The following KHDRBS2 variants were observed in gnomAD, a reference collection of about 807,000 sequenced individuals.
KHDRBS2 encodes KH RNA binding domain containing, signal transduction associated 2, also known as KH domain-containing, RNA-binding, signal transduction-associated protein 2.
A neutral mutation model predicts 44.3 loss-of-function variants in KHDRBS2; 26 were observed. The ratio of observed to expected loss-of-function variants is 0.59; its 90% confidence interval spans 0.43 to 0.81. The LOEUF (loss-of-function observed/expected upper bound fraction) is 0.81, where lower values mean the gene tolerates loss of function less well. Ranked by LOEUF, KHDRBS2 falls within the 40% of genes least tolerant of loss-of-function variation. KHDRBS2 has a pLI of 0.00. For missense variants in KHDRBS2, 476 were observed against 433.1 expected, an observed-to-expected ratio of 1.10 and a Z score of -0.88; for synonymous variants, 194 against 151.1, an observed-to-expected ratio of 1.28 and a Z score of -2.08.
chr6:62,064,962 G>C (rs999207952), intron 2 of KHDRBS2, among the ~76,000 whole-genome samples: 17 of 152,030 alleles, frequency 1.1e-4, no homozygotes, highest in Non-Finnish European at 2.2e-4. Flanking sequence ...CCATCAAAAA[G>C]TGGGTGAAGG....
intron 2 of KHDRBS2, among the ~76,000 whole-genome samples, chr6:62,113,978 C>G (rs949894853): frequency 6.6e-6 from 1 of 152,084 alleles, no homozygotes; most frequent in Admixed American, 6.6e-5. Context: ...AACTTACAAT[C>G]ATGGCAGAAG....
intron 7 of KHDRBS2, among the ~76,000 whole-genome samples, chr6:61,720,013 G>C (rs561416070): frequency 1.6e-4 from 24 of 152,094 alleles, no homozygotes; most frequent in African/African-American, 5.8e-4. Context: ...CCACCTATGA[G>C]TGAGAATATG....
intron 3 of KHDRBS2, among the ~76,000 whole-genome samples, chr6:62,001,286 A>G (rs973611034): frequency 1.3e-5 from 2 of 152,162 alleles, no homozygotes; most frequent in Non-Finnish European, 2.9e-5. Context: ...GAGTTTCATC[A>G]AACAAAGAAG....
At chr6:61,929,067 C>T (rs1809509556) in intron 4 of KHDRBS2, among the ~76,000 whole-genome samples, 1 of 151,948 alleles carries the variant, frequency 6.6e-6, no homozygotes, top group African/African-American at 2.4e-5. Context: ...CTAAAGATGG[C>T]TGCCAAAAAA....
At chr6:61,547,945 C>A in the KHDRBS2 span, among the ~76,000 whole-genome samples, 1 of 152,060 alleles carries the variant, frequency 6.6e-6, no homozygotes, top group Non-Finnish European at 1.5e-5. Context: ...AAAGGTACAG[C>A]ATTTTAACAC....
intron 6 of KHDRBS2, among the ~76,000 whole-genome samples, chr6:61,842,022 G>A (rs552905540): frequency 2.3e-4 from 35 of 152,258 alleles, no homozygotes; most frequent in African/African-American, 7.9e-4. Context: ...GATGAAGAAT[G>A]TCTGTCCTTT....
chr6:62,035,073 C>A (rs1446861783), intron 3 of KHDRBS2, among the ~76,000 whole-genome samples: 2 of 151,956 alleles, frequency 1.3e-5, no homozygotes, highest in East Asian at 3.9e-4. Flanking sequence ...TTATGTATAA[C>A]AGTTTGGAGG....
chr6:61,667,085 G>T, the KHDRBS2 span, among the ~76,000 whole-genome samples: 1 of 139,854 alleles, frequency 7.2e-6, no homozygotes, highest in Non-Finnish European at 1.5e-5. Context: ...ACAAAAATTA[G>T]ACTTTTAAAC....
chr6:62,195,845 G>C (rs781149399), intron 1 of KHDRBS2, among the ~76,000 whole-genome samples: 1 of 152,070 alleles, frequency 6.6e-6, no homozygotes, highest in Non-Finnish European at 1.5e-5. Flanking sequence ...AGAACACTGA[G>C]CCCTGTTTCA....
chr6:61,745,902 T>G (rs571057615), intron 6 of KHDRBS2, among the ~76,000 whole-genome samples: 1 of 152,126 alleles, frequency 6.6e-6, no homozygotes. Flanking sequence ...TACTTGATAA[T>G]TGTGTTCTCC....
chr6:62,136,604 T>C (rs1322116826), intron 2 of KHDRBS2, among the ~76,000 whole-genome samples: 4 of 152,250 alleles, frequency 2.6e-5, no homozygotes, highest in Admixed American at 1.3e-4. Context: ...TTTTATAATG[T>C]TATGGTTTGT....
intron 2 of KHDRBS2, among the ~76,000 whole-genome samples, chr6:62,089,268 CA>C (rs34948262): frequency 2.5e-3 from 284 of 111,938 alleles, no homozygotes; most frequent in Admixed American, 7.9e-3. Context: ...CACTGGGTTA[CA>C]AAAAAAAAAA....
intron 2 of KHDRBS2, among the ~76,000 whole-genome samples, chr6:62,095,392 T>C (rs1194987994): frequency 2.0e-5 from 3 of 151,836 alleles, no homozygotes; most frequent in Non-Finnish European, 4.4e-5. Context: ...TTTAATCTTT[T>C]ATATCATATT....
chr6:62,183,634 A>C (rs1324188782), intron 1 of KHDRBS2, among the ~76,000 whole-genome samples: 1 of 151,688 alleles, frequency 6.6e-6, no homozygotes, highest in Admixed American at 6.6e-5. Flanking sequence ...TTCAAAAATA[A>C]TCTTTTGACA....
chr6:61,966,818 T>C (rs1388381082), intron 4 of KHDRBS2, among the ~76,000 whole-genome samples: 3 of 152,080 alleles, frequency 2.0e-5, no homozygotes, highest in African/African-American at 7.2e-5. Flanking sequence ...TTATTTTCCT[T>C]CTTTTTTTCT....
chr6:61,986,540 A>T (rs1775082237), intron 3 of KHDRBS2, among the ~76,000 whole-genome samples: 1 of 152,242 alleles, frequency 6.6e-6, no homozygotes, highest in South Asian at 2.1e-4. Flanking sequence ...TAAACCAAAA[A>T]GCTCAAGTGT....
At chr6:61,603,209 C>G in the KHDRBS2 span, among the ~76,000 whole-genome samples, 12 of 152,280 alleles carry the variant, frequency 7.9e-5, no homozygotes, top group African/African-American at 2.9e-4. Context: ...TGTCCTAAAA[C>G]CAGACAGGCC....
intron 2 of KHDRBS2, among the ~76,000 whole-genome samples, chr6:62,072,340 C>G (rs1795332456): frequency 1.3e-5 from 2 of 152,170 alleles, no homozygotes; most frequent in Admixed American, 1.3e-4. Flanking sequence ...TTATTTCCTT[C>G]TCCTGCCTGA....
At chr6:62,199,632 T>C (rs1298892371) in intron 1 of KHDRBS2, among the ~76,000 whole-genome samples, 1 of 152,144 alleles carries the variant, frequency 6.6e-6, no homozygotes, top group Non-Finnish European at 1.5e-5. Context: ...GTAGGAAGAC[T>C]CAATATCGTG....
Sources: gnomAD v4.1 joint callset for allele counts (sites outside exome capture counted in the v4.1 genomes callset) on GRCh38, gnomAD v4.1.1 for gene constraint, MANE v1.5 for transcripts, NCBI Gene and HGNC (gene_info 2026-07-23, HGNC 2026-07-21) for gene names.